The following C17orf78 variants were observed in gnomAD, a reference collection of about 807,000 sequenced individuals.
The protein encoded by C17orf78 is chromosome 17 open reading frame 78, also known as uncharacterized protein C17orf78.
C17orf78 carries 27 observed loss-of-function variants against 31.8 expected under a neutral mutation model. The ratio of observed to expected loss-of-function variants is 0.85; its 90% CI spans 0.63 to 1.17. The LOEUF (loss-of-function observed/expected upper bound fraction) is 1.17. Among genes scored for constraint, C17orf78 ranks in the 50% most tolerant of loss-of-function variants. C17orf78 has a pLI of 0.00. For missense variants in C17orf78, 258 were observed against 315.2 expected (o/e 0.82, Z 1.37); for synonymous variants, 106 against 115.1 (o/e 0.92, Z 0.51).
intron 3 of C17orf78, among the ~76,000 whole-genome samples, chr17:37,383,889 T>A (rs1233482677): frequency 3.3e-5 from 5 of 152,148 alleles, no homozygotes; most frequent in African/African-American, 1.2e-4. Flanking sequence ...TGAAACATAA[T>A]CCCTTCTACA....
rs2050925690 is a variant in C17orf78 at position 37,392,515 on chromosome 17, G to C, written c.*791G>C. 6.6e-6 allele frequency: 1 copy of C among 152,118 alleles called. No individual in the cohort carries two copies. 9.4% of individuals were successfully genotyped at this position (152,118 alleles called of 1,614,324 possible). A position where few individuals can be genotyped will look rare whatever the true frequency, so the allele number is the denominator to read the frequency against. On this transcript the variant is annotated 3_prime_UTR_variant, in exon 7 of 7. Coordinates refer to ENST00000615133, the MANE Select transcript of C17orf78 (RefSeq NM_173625.5). ...TGAGAAAGTGAAACCACCTGATCTT[G>C]AATCAATGTTGAGGTGAAAAAGGAA...
At chr17:37,390,304 T>TTTTATATATATATA (rs1201500381) in intron 6 of C17orf78, among the ~76,000 whole-genome samples, 2 of 17,976 alleles carry the variant, frequency 1.1e-4, no homozygotes, top group African/African-American at 3.8e-4. Flanking sequence ...TTATACATAA[T>TTTTATATATATATA]TATATATATA....
At chr17:37,390,334 A>AT (rs2050822111) in intron 6 of C17orf78, among the ~76,000 whole-genome samples, 5 of 93,420 alleles carry the variant, frequency 5.4e-5, no homozygotes, top group South Asian at 3.1e-4. Context: ...ATATATATAT[A>AT]AAAGGCCAGC....
At chr17:37,381,949 G>T (rs2147749732) in intron 3 of C17orf78, among the ~76,000 whole-genome samples, 1 of 152,052 alleles carries the variant, frequency 6.6e-6, no homozygotes. Context: ...TATTCTACTA[G>T]CCCCCTATTG....
rs540389667 is a variant in C17orf78 at position 37,386,083 on chromosome 17, A to C, written c.466A>C (p.Ile156Leu). The part of the protein sequence containing the change: ...SETFPTTAPS[I>L]TPGNKEGEKT... The stretch of plus-strand genomic sequence containing the variant: ...GACTTTTCCCACCACTGCCCCTTCT[A>C]TAACTCCTGGGAATAAAGAAGGAGA... The change falls in exon 4 of 7, where the codon ATA becomes CTA. Residue 156 changes from isoleucine to leucine, a missense_variant. By Grantham distance (5) the Ile-to-Leu change is conservative. Coordinates refer to ENST00000615133, the MANE Select transcript of C17orf78 (RefSeq NM_173625.5). The C allele has an allele frequency of 2.8e-4, 454 of 1,600,836 alleles. 7 individuals are homozygous for C. The South Asian group carries it at 4.7e-3, about 17-fold the overall frequency.
intron 4 of C17orf78, among the ~76,000 whole-genome samples, chr17:37,386,490 G>T (rs1339049929): frequency 2.0e-5 from 3 of 152,104 alleles, no homozygotes; most frequent in Admixed American, 2.0e-4. Flanking sequence ...TACTTGAGAG[G>T]CTGAGAAAGA....
In C17orf78 at chr17:37,390,140, GTATATATATATATATATA is replaced by G. The variant is rs1243535532; in HGVS notation, c.750+797_750+814del. Among the ~76,000 whole-genome samples the G allele has an allele frequency of 1.7e-4, 6 of 34,632 alleles. 1 individual carries two copies. The highest frequency in any genetic ancestry group is 2.3e-4 in the Non-Finnish European group (5 of 21,360). The allele number at this position is 34,632 out of a possible 152,430, so 22.7% of individuals were successfully genotyped here. A position where few individuals can be genotyped will look rare whatever the true frequency, so the allele number is the denominator to read the frequency against. Reference sequence around the variant, plus strand: ...GACACTGTCTCTATTAAAAAAAAAAGTATATATATATATATATATATATATATATATATATACACACAC... The same window carrying G: ...GACACTGTCTCTATTAAAAAAAAAAGTATATATATATATATATACACACAC... On this transcript the variant is annotated intron_variant, in intron 6 of 6. Transcript: ENST00000615133.
At chr17:37,390,150 A>G (rs1162017093) in intron 6 of C17orf78, among the ~76,000 whole-genome samples, 1 of 49,454 alleles carries the variant, frequency 2.0e-5, no homozygotes, top group East Asian at 5.6e-4. Context: ...GTATATATAT[A>G]TATATATATA....
chr17:37,382,308 T>C (rs1489329138), intron 3 of C17orf78, among the ~76,000 whole-genome samples: 2 of 152,000 alleles, frequency 1.3e-5, no homozygotes, highest in Non-Finnish European at 2.9e-5. Flanking sequence ...CTGAAGTTTC[T>C]CTCCTTCTGC....
chr17:37,377,702 T>TAAATAAAA (rs147629609), intron 1 of C17orf78, among the ~76,000 whole-genome samples, 177 bp from the exon 2 acceptor site: 2 of 138,420 alleles, frequency 1.4e-5, no homozygotes, highest in Non-Finnish European at 1.6e-5. Flanking sequence ...AATAAATAAA[T>TAAATAAAA]AAAAGTAAAG....
intron 4 of C17orf78, among the ~76,000 whole-genome samples, chr17:37,386,681 G>A (rs1436354870): frequency 1.3e-5 from 2 of 152,172 alleles, no homozygotes; most frequent in African/African-American, 4.8e-5. Context: ...CCACGCAAAT[G>A]AGCTCACCCT....
Position 37,390,311 on chromosome 17 carries a change from T to TA in C17orf78, c.750+950dup, listed in dbSNP as rs1555672286. ...ATTATATATTATACATAATTATATA[T>TA]ATATATATATATATATATATATAAA... On this transcript the variant is annotated intron_variant, in intron 6 of 6. Coordinates refer to ENST00000615133, the MANE Select transcript of C17orf78 (RefSeq NM_173625.5). Among the ~76,000 whole-genome samples, 34 of 45,304 alleles carry TA rather than the reference T, an allele frequency of 7.5e-4. 5 individuals are homozygous for TA. Among genetic ancestry groups the TA allele is most frequent in the Non-Finnish European group, 9.2e-4 (28 of 30,308 alleles). The allele number at this position is 45,304 out of a possible 152,430, so 29.7% of individuals were successfully genotyped here.
At chr17:37,390,346 G>T in intron 6 of C17orf78, among the ~76,000 whole-genome samples, 1 of 53,864 alleles carries the variant, frequency 1.9e-5, no homozygotes, top group Non-Finnish European at 3.3e-5. Context: ...AAGGCCAGCT[G>T]GGCCGGGCAC....
At chr17:37,376,396 T>C (rs1200856698) in intron 1 of C17orf78, among the ~76,000 whole-genome samples, 2 of 152,250 alleles carry the variant, frequency 1.3e-5, no homozygotes. Flanking sequence ...GTTCATGTAA[T>C]TAACATTAAA....
At position 37,376,100 on chromosome 17, in the gene C17orf78, C is replaced by CCAT; in HGVS notation, c.10_12dup (p.Ile4dup). On this transcript the variant is annotated inframe_insertion, in exon 1 of 7. Coordinates refer to ENST00000615133, the MANE Select transcript of C17orf78 (RefSeq NM_173625.5). ...GCATGTGCTCAAGCTAACATGGATA[C>CCAT]CATCTTGGTCTTCAGCCTAATCATT... The CCAT allele has an allele frequency of 6.2e-7, 1 of 1,612,608 alleles. No homozygotes were observed. Among genetic ancestry groups the CCAT allele is most frequent in the Non-Finnish European group, 8.5e-7 (1 of 1,178,634 alleles).
chr17:37,377,870 C>A lies in C17orf78; in HGVS notation c.59-9C>A, dbSNP rs748569828. 113 of 1,605,792 alleles carry A rather than the reference C, an allele frequency of 7.0e-5. No homozygotes were observed. Among genetic ancestry groups the A allele is most frequent in the East Asian group, 1.8e-4 (8 of 44,592 alleles). Reference sequence around the variant, plus strand: ...CCGGTTCCCCTCCTCCCCCTCTGCTCACCCCCAGACCTCAGAGATAGCAGT... The same window carrying A: ...CCGGTTCCCCTCCTCCCCCTCTGCTAACCCCCAGACCTCAGAGATAGCAGT... On this transcript the variant is annotated splice_polypyrimidine_tract_variant and intron_variant, in intron 1 of 6. Transcript: ENST00000615133.
Position 37,386,036 on chromosome 17 carries a change from A to C in C17orf78, c.419A>C (p.Lys140Thr), listed in dbSNP as rs1357148940. 13 of 1,601,132 alleles carry C rather than the reference A, an allele frequency of 8.1e-6. No homozygotes were observed. Among genetic ancestry groups the C allele is most frequent in the Non-Finnish European group, 1.0e-5 (12 of 1,170,920 alleles). The change falls in exon 4 of 7, where the codon AAA (lysine) becomes ACA (threonine). Residue 140 changes from lysine to threonine, a missense_variant. Physicochemically the swap from Lys to Thr is moderately conservative, Grantham distance 78. Transcript: ENST00000615133. ...KAFLPGISQC[K>T]VLGASSETFP... ...TTTTTACCAGGGATCTCACAATGTA[A>C]AGTCCTGGGGGCTTCATCAGAGACT...
intron 2 of C17orf78, 29 bp from the exon 3 acceptor site, chr17:37,379,108 A>C: frequency 6.3e-7 from 1 of 1,592,720 alleles, no homozygotes; most frequent in Non-Finnish European, 8.5e-7. Context: ...AACCAGCTCC[A>C]TTTTTCTATC....
chr17:37,389,340 A>T lies in C17orf78; in HGVS notation c.728A>T (p.Lys243Met). The change falls in exon 6 of 7, where the codon AAG (lysine) becomes ATG (methionine). Residue 243 changes from lysine to methionine, a missense_variant. Coordinates refer to ENST00000615133, the MANE Select transcript of C17orf78 (RefSeq NM_173625.5). ...GGQPPGTAESKPDSQPQKVGQ... is the reference protein window; with the variant it reads ...GGQPPGTAESMPDSQPQKVGQ... The stretch of plus-strand genomic sequence containing the variant: ...CAGCCACCTGGGACAGCTGAATCCA[A>T]GCCTGACTCTCAGCCCCAGAAGGAA... 6.3e-7 allele frequency: 1 copy of T among 1,590,678 alleles called. No homozygotes were observed. The highest frequency in any genetic ancestry group is 1.2e-5 in the South Asian group (1 of 86,890).
Sources: gnomAD v4.1 joint callset for allele counts (sites outside exome capture counted in the v4.1 genomes callset) on GRCh38, gnomAD v4.1.1 for gene constraint, MANE v1.5 for transcripts, NCBI Gene and HGNC (gene_info 2026-07-23, HGNC 2026-07-21) for gene names.